Variants in GRM5 observed in about 807,000 individuals in gnomAD.
The protein encoded by GRM5 is glutamate metabotropic receptor 5.
A neutral mutation model predicts 83.1 loss-of-function variants in GRM5; 19 were observed. That is an observed-to-expected ratio of 0.23 (90% CI 0.16 to 0.34). The LOEUF is 0.34. Ranked by LOEUF, GRM5 falls within the 10% of genes least tolerant of loss-of-function variation. The probability of loss-of-function intolerance (pLI) is 1.00; values close to 1 mark genes in which losing one functional copy is unlikely to be tolerated. For missense variants in GRM5, 1,160 were observed against 1,588.3 expected (o/e 0.73, Z 4.58); for synonymous variants, 675 against 633.6 (o/e 1.07, Z -0.98).
intron 8 of GRM5, among the ~76,000 whole-genome samples, chr11:88,537,181 G>A (rs1452763436): frequency 6.6e-6 from 1 of 152,152 alleles, no homozygotes; most frequent in South Asian, 2.1e-4. Flanking sequence ...AGTTAATAGT[G>A]TATACTTAGT....
chr11:88,687,145 C>T (rs982276610), intron 3 of GRM5, among the ~76,000 whole-genome samples: 7 of 152,004 alleles, frequency 4.6e-5, no homozygotes, highest in Non-Finnish European at 1.0e-4. Flanking sequence ...TTCACATTCT[C>T]TGACAGTAGG....
At chr11:88,692,830 G>A (rs1429423577) in intron 3 of GRM5, among the ~76,000 whole-genome samples, 2 of 152,130 alleles carry the variant, frequency 1.3e-5, no homozygotes, top group Non-Finnish European at 2.9e-5. Context: ...TAATTTCAGG[G>A]CCACCCTCCA....
chr11:88,661,405 A>G (rs548021579), intron 3 of GRM5, among the ~76,000 whole-genome samples: 1 of 152,126 alleles, frequency 6.6e-6, no homozygotes, highest in Non-Finnish European at 1.5e-5. Flanking sequence ...TCCTCTTGTT[A>G]TCTACCTGAT....
At chr11:88,715,682 T>C (rs950986317) in intron 3 of GRM5, among the ~76,000 whole-genome samples, 2 of 152,060 alleles carry the variant, frequency 1.3e-5, no homozygotes, top group Admixed American at 6.6e-5. Context: ...TTCATTTTCA[T>C]TTCAACAGGT....
intron 3 of GRM5, among the ~76,000 whole-genome samples, chr11:88,734,736 T>C (rs1941877681): frequency 6.6e-6 from 1 of 152,094 alleles, no homozygotes; most frequent in Non-Finnish European, 1.5e-5. Flanking sequence ...CAAAATTCTG[T>C]GTATCATTTT....
At chr11:88,542,794 C>T (rs966153487) in intron 8 of GRM5, among the ~76,000 whole-genome samples, 4 of 152,142 alleles carry the variant, frequency 2.6e-5, no homozygotes, top group African/African-American at 9.7e-5. Context: ...ACCTGCCGGG[C>T]TTGGTGGCTT....
chr11:88,617,744 G>T (rs897471785), intron 4 of GRM5, among the ~76,000 whole-genome samples: 1 of 152,118 alleles, frequency 6.6e-6, no homozygotes, highest in Non-Finnish European at 1.5e-5. Context: ...AAAATTCTCT[G>T]TTGGTTTGTT....
chr11:88,980,214 C>G (rs1454589327), intron 2 of GRM5, among the ~76,000 whole-genome samples: 1 of 152,080 alleles, frequency 6.6e-6, no homozygotes, highest in Non-Finnish European at 1.5e-5. Flanking sequence ...ATCAGAAATA[C>G]AATATCTCTA....
chr11:88,597,382 G>GCTGAGTATTTACAT, intron 5 of GRM5, 30 bp from the exon 6 acceptor site: 1 of 1,201,292 alleles, frequency 8.3e-7, no homozygotes, highest in Non-Finnish European at 1.2e-6. Context: ...TAATTATGCA[G>GCTGAGTATTTACAT]CTTAAGATGT....
At chr11:89,004,931 C>T (rs2135076946) in intron 2 of GRM5, among the ~76,000 whole-genome samples, 1 of 152,294 alleles carries the variant, frequency 6.6e-6, no homozygotes, top group Middle Eastern at 3.4e-3. Flanking sequence ...TCAGTCTAAT[C>T]AAGAACTCTA....
intron 2 of GRM5, among the ~76,000 whole-genome samples, chr11:88,852,307 A>G (rs1293180020): frequency 6.6e-6 from 1 of 152,150 alleles, no homozygotes; most frequent in African/African-American, 2.4e-5. Flanking sequence ...TTCAACTTCA[A>G]TTTATATAGT....
At chr11:88,998,750 T>C (rs1430465476) in intron 2 of GRM5, among the ~76,000 whole-genome samples, 2 of 152,192 alleles carry the variant, frequency 1.3e-5, no homozygotes, top group African/African-American at 4.8e-5. Context: ...GTATTCATGA[T>C]AAACATAAAA....
intron 8 of GRM5, among the ~76,000 whole-genome samples, chr11:88,539,474 G>A (rs1370451982): frequency 4.6e-5 from 7 of 152,062 alleles, no homozygotes; most frequent in Non-Finnish European, 8.8e-5. Flanking sequence ...CATGTAAAAT[G>A]CTTGATTTTA....
chr11:88,599,069 A>C (rs1036359034), intron 5 of GRM5, among the ~76,000 whole-genome samples: 2 of 152,194 alleles, frequency 1.3e-5, no homozygotes, highest in Non-Finnish European at 2.9e-5. Flanking sequence ...TACTGCTCCA[A>C]ATCCTGGGTA....
intron 3 of GRM5, among the ~76,000 whole-genome samples, chr11:88,838,732 TTCTC>T (rs373419019): frequency 1.1e-4 from 16 of 152,318 alleles, no homozygotes; most frequent in African/African-American, 2.6e-4. Context: ...AACAAAATCT[TTCTC>T]TCCTCATTGT....
At chr11:89,045,617 T>C (rs970792314) in intron 2 of GRM5, among the ~76,000 whole-genome samples, 93 of 152,114 alleles carry the variant, frequency 6.1e-4, no homozygotes, top group Non-Finnish European at 3.8e-4. Flanking sequence ...TTGGGGTAAA[T>C]TTAGGATAAA....
chr11:89,032,190 C>T (rs966869116), intron 2 of GRM5, among the ~76,000 whole-genome samples: 38 of 152,018 alleles, frequency 2.5e-4, no homozygotes, highest in African/African-American at 8.7e-4. Context: ...CTAGCAGTAG[C>T]AGCATCAATC....
At chr11:88,597,412 G>T in intron 5 of GRM5, 60 bp from the exon 6 acceptor site, 1 of 892,992 alleles carries the variant, frequency 1.1e-6, no homozygotes, top group Non-Finnish European at 1.7e-6. Flanking sequence ...GCTTTGAAAA[G>T]GCAATATATT....
intron 3 of GRM5, among the ~76,000 whole-genome samples, chr11:88,752,806 AC>A (rs1942307993): frequency 6.6e-6 from 1 of 152,222 alleles, no homozygotes; most frequent in Admixed American, 6.5e-5. Context: ...AAGACTGCAC[AC>A]TTACAACTAT....
Sources: gnomAD v4.1 joint callset for allele counts (sites outside exome capture counted in the v4.1 genomes callset) on GRCh38, gnomAD v4.1.1 for gene constraint, MANE v1.5 for transcripts, NCBI Gene and HGNC (gene_info 2026-07-23, HGNC 2026-07-21) for gene names.